Variants in AGBL1 observed in about 807,000 individuals in gnomAD.
The protein encoded by AGBL1 is AGBL carboxypeptidase 1, also known as cytosolic carboxypeptidase 4.
A neutral mutation model predicts 118.9 loss-of-function variants in AGBL1; 130 were observed. The observed-to-expected ratio is 1.09, with a 90% CI of 0.95 to 1.26. AGBL1 has a LOEUF of 1.26. Ranked by LOEUF, AGBL1 falls within the 50% of genes most tolerant of loss-of-function variation. AGBL1 has a pLI of 0.00. For missense variants in AGBL1, 1,584 were observed against 1,298.1 expected (o/e 1.22, Z -3.38); for synonymous variants, 555 against 478.9 (o/e 1.16, Z -2.08).
At chr15:86,182,125 G>A (rs2077561073) in intron 5 of AGBL1, among the ~76,000 whole-genome samples, 1 of 151,896 alleles carries the variant, frequency 6.6e-6, no homozygotes. Flanking sequence ...GGTTTCGGTG[G>A]GACAAATAAT....
intron 21 of AGBL1, among the ~76,000 whole-genome samples, chr15:86,571,668 C>G (rs1294197569): frequency 6.6e-6 from 1 of 152,184 alleles, no homozygotes; most frequent in African/African-American, 2.4e-5. Flanking sequence ...TTCCTATCCT[C>G]TCTGTCCTCT....
chr15:86,459,875 T>C (rs891374729), intron 18 of AGBL1, among the ~76,000 whole-genome samples: 6 of 152,222 alleles, frequency 3.9e-5, no homozygotes, highest in South Asian at 2.1e-4. Flanking sequence ...GCAATGCTTA[T>C]AGTGAAATCA....
chr15:86,318,696 ATTTTTTTTTT>A (rs57988335), intron 17 of AGBL1, among the ~76,000 whole-genome samples: 34 of 81,986 alleles, frequency 4.1e-4, no homozygotes, highest in African/African-American at 9.7e-4. Context: ...TTGATCATAG[ATTTTTTTTTT>A]TTTTTTTTTT....
chr15:86,100,179 A>G (rs1896627866), intron 1 of AGBL1, among the ~76,000 whole-genome samples: 3 of 152,168 alleles, frequency 2.0e-5, no homozygotes, highest in African/African-American at 7.2e-5. Context: ...TATCCCTGGT[A>G]TAAATCCCAC....
rs150520606 is a variant in AGBL1, at chr15:86,957,101, C to T, written c.3222-30886C>T. ...ATCAATCTAGTAATTAGGAACTAAGCAGTATGATTGTCTCCATTCTGTGCG... is the reference window on the plus strand; with the variant it reads ...ATCAATCTAGTAATTAGGAACTAAGTAGTATGATTGTCTCCATTCTGTGCG... On this transcript the variant is annotated intron_variant, in intron 23 of 24. Transcript: ENST00000441037. Among the ~76,000 whole-genome samples, 397 of 152,144 alleles carry T rather than the reference C, an allele frequency of 2.6e-3. 2 individuals are homozygous for T. Among genetic ancestry groups the T allele is most frequent in the Middle Eastern group, 0.02 (6 of 294 alleles).
intron 22 of AGBL1, among the ~76,000 whole-genome samples, chr15:86,685,248 A>G (rs1213787655): frequency 6.6e-6 from 1 of 152,108 alleles, no homozygotes; most frequent in Non-Finnish European, 1.5e-5. Flanking sequence ...TGGTCCTTTT[A>G]GTTTCTTTAG....
intron 21 of AGBL1, among the ~76,000 whole-genome samples, chr15:86,554,853 T>C (rs1214416446): frequency 1.1e-4 from 17 of 152,198 alleles, no homozygotes; most frequent in Admixed American, 1.1e-3. Context: ...TCTGTTGTTA[T>C]ATGCATAAAA....
At chr15:86,082,381 G>A (rs538590288) in intron 1 of AGBL1, among the ~76,000 whole-genome samples, 14 of 152,284 alleles carry the variant, frequency 9.2e-5, no homozygotes, top group Non-Finnish European at 1.9e-4. Flanking sequence ...CAGACAGAAG[G>A]CTTTGAATTG....
intron 7 of AGBL1, among the ~76,000 whole-genome samples, chr15:86,252,719 G>A (rs2078836120): frequency 6.6e-6 from 1 of 152,206 alleles, no homozygotes; most frequent in African/African-American, 2.4e-5. Flanking sequence ...ACTGTTCAGA[G>A]AAGCACAGGA....
intron 22 of AGBL1, among the ~76,000 whole-genome samples, chr15:86,744,686 C>T (rs2077728323): frequency 6.6e-6 from 1 of 152,110 alleles, no homozygotes; most frequent in Admixed American, 6.6e-5. Flanking sequence ...GTGTTTCTCC[C>T]ACCCTCCCTC....
At chr15:86,717,765 T>C (rs964734299) in intron 22 of AGBL1, among the ~76,000 whole-genome samples, 1 of 152,190 alleles carries the variant, frequency 6.6e-6, no homozygotes, top group African/African-American at 2.4e-5. Flanking sequence ...ATATTTGAGA[T>C]GGCAGATTTG....
intron 17 of AGBL1, among the ~76,000 whole-genome samples, chr15:86,392,947 T>C (rs1210431297): frequency 6.6e-6 from 1 of 152,186 alleles, no homozygotes; most frequent in African/African-American, 2.4e-5. Context: ...GTATGTGTGG[T>C]GCATACTATT....
chr15:86,441,405 A>G (rs910211768), intron 18 of AGBL1, among the ~76,000 whole-genome samples: 1 of 152,220 alleles, frequency 6.6e-6, no homozygotes, highest in Admixed American at 6.5e-5. Flanking sequence ...ATTCCTGCTC[A>G]AACAAAATGT....
intron 24 of AGBL1, among the ~76,000 whole-genome samples, chr15:87,004,736 G>A (rs1172933083): frequency 6.6e-6 from 1 of 152,168 alleles, no homozygotes; most frequent in African/African-American, 2.4e-5. Flanking sequence ...TCATTATGAT[G>A]TTAGCTGGTT....
intron 22 of AGBL1, among the ~76,000 whole-genome samples, chr15:86,838,962 A>AAAT (rs2079207038): frequency 6.6e-6 from 1 of 150,470 alleles, no homozygotes; most frequent in East Asian, 1.9e-4. Flanking sequence ...AAAAAAAAAA[A>AAAT]AAAAGAAAGA....
At chr15:86,940,982 C>T (rs2080744607) in intron 23 of AGBL1, among the ~76,000 whole-genome samples, 1 of 152,120 alleles carries the variant, frequency 6.6e-6, no homozygotes, top group African/African-American at 2.4e-5. Context: ...AAGTGTTGCC[C>T]AATTCTAGGA....
intron 22 of AGBL1, among the ~76,000 whole-genome samples, chr15:86,831,983 T>C (rs1159737474): frequency 3.9e-5 from 6 of 152,362 alleles, no homozygotes; most frequent in African/African-American, 1.4e-4. Flanking sequence ...TCTTGACTTC[T>C]GTGTCCCTGC....
intron 22 of AGBL1, among the ~76,000 whole-genome samples, chr15:86,684,029 C>T (rs2086010304): frequency 1.3e-5 from 2 of 152,108 alleles, no homozygotes; most frequent in Non-Finnish European, 2.9e-5. Flanking sequence ...GAGAGCAAAT[C>T]TACCAGATGT....
intron 22 of AGBL1, among the ~76,000 whole-genome samples, chr15:86,759,413 C>T (rs909382739): frequency 6.6e-6 from 1 of 152,044 alleles, no homozygotes; most frequent in African/African-American, 2.4e-5. Context: ...ACGGAAACTT[C>T]CTCATAAAGT....
Sources: gnomAD v4.1 joint callset for allele counts (sites outside exome capture counted in the v4.1 genomes callset) on GRCh38, gnomAD v4.1.1 for gene constraint, MANE v1.5 for transcripts, NCBI Gene and HGNC (gene_info 2026-07-23, HGNC 2026-07-21) for gene names.